The following IFT81 variants were observed in gnomAD, a reference collection of about 807,000 sequenced individuals.
The protein encoded by IFT81 is intraflagellar transport 81.
In IFT81, 72 loss-of-function variants were observed where a neutral mutation model predicts 102.6. That is an observed-to-expected ratio of 0.70 (90% CI 0.58 to 0.85). The LOEUF (loss-of-function observed/expected upper bound fraction) is 0.85, where lower values mean the gene tolerates loss of function less well. IFT81 is among the 40% of genes least tolerant of loss of function. The pLI is 0.00. For synonymous variants in IFT81, 237 were observed against 242.7 expected (o/e 0.98, Z 0.22); for missense variants, 723 against 787.3 (o/e 0.92, Z 0.98).
intron 5 of IFT81, among the ~76,000 whole-genome samples, chr12:110,134,310 GTA>G: frequency 6.6e-6 from 1 of 152,242 alleles, no homozygotes; most frequent in Admixed American, 6.5e-5. Flanking sequence ...TGACTACCGT[GTA>G]TATTTTACCT....
At chr12:110,166,308 A>C (rs1896432946) in intron 11 of IFT81, among the ~76,000 whole-genome samples, 1 of 152,246 alleles carries the variant, frequency 6.6e-6, no homozygotes, top group African/African-American at 2.4e-5. Context: ...GGAAATAAAT[A>C]TGAAATAGTT....
intron 11 of IFT81, among the ~76,000 whole-genome samples, chr12:110,177,161 G>A (rs1342061552): frequency 6.6e-6 from 1 of 152,040 alleles, no homozygotes; most frequent in African/African-American, 2.4e-5. Flanking sequence ...GTGGTGTGAG[G>A]GCTGGATTCC....
chr12:110,125,574 T>C (rs1177368579), intron 1 of IFT81, among the ~76,000 whole-genome samples: 2 of 152,132 alleles, frequency 1.3e-5, no homozygotes. Context: ...TTTGTATTTT[T>C]AGTAGAGACC....
intron 9 of IFT81, among the ~76,000 whole-genome samples, chr12:110,145,544 ATT>A (rs1247973136): frequency 6.8e-6 from 1 of 148,062 alleles, no homozygotes; most frequent in Non-Finnish European, 1.5e-5. Flanking sequence ...ATTCAAGTGA[ATT>A]CTGCCTCAGC....
At chr12:110,169,748 A>C (rs1007169049) in intron 11 of IFT81, among the ~76,000 whole-genome samples, 1 of 151,570 alleles carries the variant, frequency 6.6e-6, no homozygotes, top group African/African-American at 2.4e-5. Context: ...TTTTTAGTAC[A>C]GACGGAGTTT....
intron 9 of IFT81, among the ~76,000 whole-genome samples, chr12:110,145,091 G>T (rs1308201345): frequency 7.0e-6 from 1 of 143,026 alleles, no homozygotes; most frequent in Non-Finnish European, 1.5e-5. Context: ...GGAGTTCAGT[G>T]ACATGATCAC....
chr12:110,187,049 TTG>T (rs1897567041), intron 12 of IFT81, among the ~76,000 whole-genome samples: 1 of 152,204 alleles, frequency 6.6e-6, no homozygotes, highest in Non-Finnish European at 1.5e-5. Context: ...TTCTTCTTTT[TTG>T]TGTGTCTAGT....
In IFT81 at chr12:110,191,019, G is replaced by A; in HGVS notation, c.1438G>A (p.Gly480Arg). The A allele has an allele frequency of 1.9e-6, 3 of 1,608,704 alleles. No individual in the cohort carries two copies. The highest frequency in any genetic ancestry group is 2.5e-6 in the Non-Finnish European group (3 of 1,177,984). ...ALKSEVDEMK[G>R]RTLDDMSEMV... ...GAAGAGTGAAGTTGATGAAATGAAAGGACGAACATTGGATGATATGTCTGA... is the reference window on the plus strand; with the variant it reads ...GAAGAGTGAAGTTGATGAAATGAAAAGACGAACATTGGATGATATGTCTGA... The change falls in exon 13 of 19, where the codon GGA (glycine) becomes AGA (arginine). Residue 480 changes from glycine to arginine, a missense_variant. Gly to Arg is a moderately radical substitution (Grantham distance 125). Transcript: ENST00000242591.
intron 14 of IFT81, among the ~76,000 whole-genome samples, chr12:110,194,034 G>A (rs1296265155): frequency 6.6e-6 from 1 of 152,184 alleles, no homozygotes; most frequent in Non-Finnish European, 1.5e-5. Flanking sequence ...CATGGCTAGA[G>A]CAGCAAGGGG....
intron 11 of IFT81, among the ~76,000 whole-genome samples, chr12:110,173,325 G>A (rs868621471): frequency 8.7e-4 from 120 of 137,370 alleles, no homozygotes; most frequent in Middle Eastern, 4.1e-3. Context: ...CAGCCACCCC[G>A]TCCGGGAGGG....
intron 10 of IFT81, among the ~76,000 whole-genome samples, chr12:110,153,608 T>C (rs972914766): frequency 4.8e-5 from 7 of 144,582 alleles, no homozygotes; most frequent in African/African-American, 1.8e-4. Context: ...TTTTCTTTGT[T>C]GGGATATTTT....
chr12:110,143,350 G>T, intron 8 of IFT81, 32 bp from the exon 9 acceptor site: 1 of 1,193,810 alleles, frequency 8.4e-7, no homozygotes, highest in South Asian at 2.0e-5. Context: ...CTACTCTTTT[G>T]GGCTGAATAT....
intron 11 of IFT81, among the ~76,000 whole-genome samples, chr12:110,167,571 T>G (rs1896507371): frequency 6.6e-6 from 1 of 152,184 alleles, no homozygotes; most frequent in Non-Finnish European, 1.5e-5. Flanking sequence ...GTTTTTATAT[T>G]GAATTTTAAG....
intron 13 of IFT81, 41 bp from the exon 14 acceptor site, chr12:110,192,576 G>T (rs1239212766): frequency 6.4e-6 from 7 of 1,087,710 alleles, no homozygotes; most frequent in South Asian, 1.5e-5. Flanking sequence ...TTCTTTTTTT[G>T]AATTCTTTTT....
chr12:110,202,248 T>G (rs114729562), intron 14 of IFT81, among the ~76,000 whole-genome samples: 1,544 of 152,338 alleles, frequency 0.01, 32 homozygotes, highest in Middle Eastern at 0.044. Flanking sequence ...ATCATATATG[T>G]GGTCCGTTGT....
intron 18 of IFT81, among the ~76,000 whole-genome samples, chr12:110,210,675 G>A (rs1442893391): frequency 6.6e-6 from 1 of 151,430 alleles, no homozygotes; most frequent in Non-Finnish European, 1.5e-5. Context: ...GGGAGGCAAT[G>A]CTGCAGTGAG....
chr12:110,202,954 C>T (rs1181943436), intron 14 of IFT81, among the ~76,000 whole-genome samples: 2 of 152,148 alleles, frequency 1.3e-5, no homozygotes, highest in Non-Finnish European at 2.9e-5. Flanking sequence ...TCAGCCTCCC[C>T]TCACCATTTC....
chr12:110,144,413 C>T (rs1174082558), intron 9 of IFT81, among the ~76,000 whole-genome samples: 1 of 151,258 alleles, frequency 6.6e-6, no homozygotes, highest in East Asian at 1.9e-4. Context: ...GACAGGGTTT[C>T]ACCGTGTTGG....
chr12:110,132,537 AT>A lies in IFT81; in HGVS notation c.430-8del. ...TTATTAGTTTATAATTTCTTAACTT[AT>A]TCTTCTAGTATGAAGAGTTAATGGA... On this transcript the variant is annotated splice_polypyrimidine_tract_variant and intron_variant, in intron 4 of 18. Transcript: ENST00000242591. 1 of 1,215,960 alleles carries A rather than the reference AT, an allele frequency of 8.2e-7. No homozygotes were observed. The highest frequency in any genetic ancestry group is 1.9e-4 in the Middle Eastern group (1 of 5,178). 75.3% of individuals were successfully genotyped at this position (1,215,960 alleles called of 1,614,324 possible). A position where few individuals can be genotyped will look rare whatever the true frequency, so the allele number is the denominator to read the frequency against.
Sources: gnomAD v4.1 joint callset for allele counts (sites outside exome capture counted in the v4.1 genomes callset) on GRCh38, gnomAD v4.1.1 for gene constraint, MANE v1.5 for transcripts, NCBI Gene and HGNC (gene_info 2026-07-23, HGNC 2026-07-21) for gene names.